SLC44A1: variants seen among roughly 807,000 people sequenced by gnomAD.
The protein encoded by SLC44A1 is choline transporter-like protein 1.
SLC44A1 carries 26 observed loss-of-function variants against 79.3 expected under a neutral mutation model. The observed-to-expected ratio is 0.33, with a 90% CI of 0.24 to 0.46. The LOEUF (loss-of-function observed/expected upper bound fraction) is 0.46. Among genes scored for constraint, SLC44A1 ranks in the 20% least tolerant of loss-of-function variants. The probability of loss-of-function intolerance (pLI) is 1.00; values close to 1 mark genes in which losing one functional copy is unlikely to be tolerated. For missense variants in SLC44A1, 688 were observed against 798.1 expected, an observed-to-expected ratio of 0.86 and a Z score of 1.66; for synonymous variants, 263 against 286.2, an observed-to-expected ratio of 0.92 and a Z score of 0.82.
Position 105,251,328 on chromosome 9 carries a change from A to G in SLC44A1, c.36+6424A>G, listed in dbSNP as rs1235023454. ...TCACTCTTCTATATCTAGTCACCAC[A>G]TCTTGCCTCTTTGACCTTCTCAACG... On this transcript the variant is annotated intron_variant, in intron 1 of 15. Transcript: ENST00000374720. Among the ~76,000 whole-genome samples the G allele has an allele frequency of 2.0e-5, 3 of 152,102 alleles. No homozygotes were observed. In the East Asian group the frequency reaches 5.8e-4, roughly 29 times the overall value.
intron 12 of SLC44A1, among the ~76,000 whole-genome samples, chr9:105,367,398 C>A (rs894981710): frequency 6.6e-6 from 1 of 152,110 alleles, no homozygotes; most frequent in South Asian, 2.1e-4. Flanking sequence ...TAGCAAAATA[C>A]ATTCTTATAG....
intron 15 of SLC44A1, among the ~76,000 whole-genome samples, chr9:105,414,073 GT>G (rs1431203722): frequency 5.3e-5 from 7 of 131,022 alleles, no homozygotes; most frequent in African/African-American, 2.0e-4. Flanking sequence ...TTGTATTTTT[GT>G]TTTTTTGAGA....
At chr9:105,435,214 T>C (rs542002156) in intron 15 of SLC44A1, among the ~76,000 whole-genome samples, 18 of 150,944 alleles carry the variant, frequency 1.2e-4, no homozygotes, top group South Asian at 4.2e-4. Context: ...CTGGATAGGA[T>C]TGTGGAACTG....
Position 105,348,382 on chromosome 9 carries a change from TA to T in SLC44A1, c.434del (p.Lys145SerfsTer35). The T allele has an allele frequency of 6.2e-7, 1 of 1,610,602 alleles. No homozygotes were observed. Among genetic ancestry groups the T allele is most frequent in the Admixed American group, 1.7e-5 (1 of 59,980 alleles). The stretch of plus-strand genomic sequence containing the variant: ...GGTTCAGCCCTATGTAGCTACAACC[TA>T]AAGCCTTCTGAATACACTACATCTC... The part of the protein sequence containing the change: ...INGSALCSYN[L>X]KPSEYTTSPK... On this transcript the variant is annotated frameshift_variant, in exon 5 of 16. Coordinates refer to ENST00000374720, the MANE Select transcript of SLC44A1 (RefSeq NM_080546.5). LOFTEE classifies it high-confidence loss of function.
intron 13 of SLC44A1, among the ~76,000 whole-genome samples, chr9:105,379,626 T>C (rs1828400894): frequency 6.6e-6 from 1 of 152,238 alleles, no homozygotes; most frequent in African/African-American, 2.4e-5. Context: ...TCCATTTCTA[T>C]GGTACTCTAA....
At chr9:105,325,878 C>T (rs1454589199) in intron 3 of SLC44A1, among the ~76,000 whole-genome samples, 2 of 152,140 alleles carry the variant, frequency 1.3e-5, no homozygotes, top group Non-Finnish European at 2.9e-5. Context: ...CATTGAATTG[C>T]ACAGTTTACA....
intron 13 of SLC44A1, among the ~76,000 whole-genome samples, chr9:105,382,811 A>G (rs1828511451): frequency 1.3e-5 from 2 of 152,202 alleles, no homozygotes; most frequent in Non-Finnish European, 2.9e-5. Flanking sequence ...TAAAATATGC[A>G]TACATTTATC....
chr9:105,306,512 C>G (rs1187027790), intron 2 of SLC44A1, among the ~76,000 whole-genome samples: 2 of 152,006 alleles, frequency 1.3e-5, no homozygotes, highest in Non-Finnish European at 1.5e-5. Flanking sequence ...GGATGATAGT[C>G]ATGGTTTTTT....
At chr9:105,256,719 C>T (rs772516601) in intron 1 of SLC44A1, among the ~76,000 whole-genome samples, 6 of 149,926 alleles carry the variant, frequency 4.0e-5, no homozygotes, top group East Asian at 3.9e-4. Flanking sequence ...TGCACTACCA[C>T]GCCCAGCTAA....
At chr9:105,296,637 C>T (rs886261246) in intron 1 of SLC44A1, among the ~76,000 whole-genome samples, 17 of 152,178 alleles carry the variant, frequency 1.1e-4, no homozygotes, top group African/African-American at 2.6e-4. Flanking sequence ...ATAGAGTAAA[C>T]GTAATGAATA....
chr9:105,355,773 G>T, intron 5 of SLC44A1: 1 of 155,230 alleles, frequency 6.4e-6, no homozygotes, highest in Non-Finnish European at 1.4e-5. Flanking sequence ...TCAAGTAAAA[G>T]CATGTGCTTT....
At chr9:105,412,565 C>T (rs769346305) in intron 15 of SLC44A1, among the ~76,000 whole-genome samples, 2 of 152,022 alleles carry the variant, frequency 1.3e-5, no homozygotes, top group Non-Finnish European at 2.9e-5. Flanking sequence ...TTGATAATAG[C>T]GACCACATGA....
chr9:105,283,132 T>C (rs1341813188), intron 1 of SLC44A1, among the ~76,000 whole-genome samples: 1 of 152,160 alleles, frequency 6.6e-6, no homozygotes. Flanking sequence ...ACTCTCATGC[T>C]CCTAGGACTT....
intron 1 of SLC44A1, 25 bp downstream of exon 1, chr9:105,244,929 G>T: frequency 8.6e-7 from 1 of 1,168,416 alleles, no homozygotes; most frequent in Non-Finnish European, 1.1e-6. Context: ...CCTCCCGGCC[G>T]CCCGCCCGGA....
At chr9:105,375,848 C>G (rs1355306287) in intron 13 of SLC44A1, among the ~76,000 whole-genome samples, 1 of 152,198 alleles carries the variant, frequency 6.6e-6, no homozygotes, top group Admixed American at 6.5e-5. Context: ...AAGAGAAAGG[C>G]TTATACTACC....
chr9:105,400,861 T>C (rs575012782), downstream of SLC44A1, among the ~76,000 whole-genome samples: 1 of 152,378 alleles, frequency 6.6e-6, no homozygotes, highest in Non-Finnish European at 1.5e-5. Flanking sequence ...AAAGGGTTAA[T>C]TTTTATAGAA....
intron 1 of SLC44A1, among the ~76,000 whole-genome samples, chr9:105,258,686 GTTGTT>G (rs956073283): frequency 2.0e-5 from 3 of 151,926 alleles, no homozygotes; most frequent in African/African-American, 7.2e-5. Context: ...TTTGCTGTTT[GTTGTT>G]TTGTTTTGTT....
At position 105,351,281 on chromosome 9, in the gene SLC44A1, C is replaced by A. The variant is rs143791686; in HGVS notation, c.500+2830C>A. Among the ~76,000 whole-genome samples the A allele has an allele frequency of 1.0e-3, 156 of 152,226 alleles. 3 individuals carry two copies. In the East Asian group the frequency reaches 0.026, roughly 25 times the overall value. On this transcript the variant is annotated intron_variant, in intron 5 of 15. Coordinates refer to ENST00000374720, the MANE Select transcript of SLC44A1 (RefSeq NM_080546.5). Reference sequence around the variant, plus strand: ...AGATGCAGTGGCTTATGCCTGTAATCCCAGCACTTTGGGAGGCCAAGGCAG... The same window carrying A: ...AGATGCAGTGGCTTATGCCTGTAATACCAGCACTTTGGGAGGCCAAGGCAG...
chr9:105,272,090 A>G (rs942876898), intron 1 of SLC44A1, among the ~76,000 whole-genome samples: 6 of 152,240 alleles, frequency 3.9e-5, no homozygotes, highest in South Asian at 4.1e-4. Context: ...TAGCTTGCAC[A>G]TAATAAGAGT....
Sources: allele counts gnomAD v4.1 joint callset (sites outside exome capture counted in the v4.1 genomes callset), GRCh38; gene constraint gnomAD v4.1.1; transcripts MANE v1.5; gene names NCBI Gene and HGNC (gene_info 2026-07-23, HGNC 2026-07-21).